The following KCNIP4 variants were observed in gnomAD, a reference collection of about 807,000 sequenced individuals.
The protein encoded by KCNIP4 is potassium voltage-gated channel interacting protein 4.
In KCNIP4, 12 loss-of-function variants were observed where a neutral mutation model predicts 34.0. That is an observed-to-expected ratio of 0.35 (90% CI 0.23 to 0.57). The LOEUF (loss-of-function observed/expected upper bound fraction) is 0.57. Ranked by LOEUF, KCNIP4 falls within the 20% of genes least tolerant of loss-of-function variation. The probability of loss-of-function intolerance (pLI) is 0.83; values close to 1 mark genes in which losing one functional copy is unlikely to be tolerated. For missense variants in KCNIP4, 238 were observed against 311.7 expected, an observed-to-expected ratio of 0.76 and a Z score of 1.78; for synonymous variants, 124 against 102.2, an observed-to-expected ratio of 1.21 and a Z score of -1.29.
intron 1 of KCNIP4, among the ~76,000 whole-genome samples, chr4:21,065,092 C>G (rs577788413): frequency 6.6e-6 from 1 of 152,328 alleles, no homozygotes; most frequent in East Asian, 1.9e-4. Context: ...GCCATTCTGG[C>G]AGCCCTATGT....
At chr4:21,430,238 A>G (rs993131079) in intron 1 of KCNIP4, among the ~76,000 whole-genome samples, 1 of 152,166 alleles carries the variant, frequency 6.6e-6, no homozygotes, top group Non-Finnish European at 1.5e-5. Flanking sequence ...CTATTCTTGC[A>G]TCACGTTTTA....
intron 1 of KCNIP4, among the ~76,000 whole-genome samples, chr4:21,272,982 T>C (rs551083008): frequency 6.6e-6 from 1 of 152,304 alleles, no homozygotes; most frequent in South Asian, 2.1e-4. Context: ...ATAGACTTAC[T>C]CATAACATAG....
chr4:21,350,352 G>A (rs1269152987), intron 1 of KCNIP4, among the ~76,000 whole-genome samples: 1 of 152,074 alleles, frequency 6.6e-6, no homozygotes, highest in African/African-American at 2.4e-5. Flanking sequence ...TAATAAATCT[G>A]GGTGCCCTTA....
chr4:20,768,792 C>G (rs547351882), intron 3 of KCNIP4, among the ~76,000 whole-genome samples: 2 of 152,078 alleles, frequency 1.3e-5, no homozygotes, highest in African/African-American at 4.8e-5. Flanking sequence ...TTCCTGAACA[C>G]ACTTCTGGGG....
At chr4:21,724,384 A>G (rs1050790939) in intron 1 of KCNIP4, among the ~76,000 whole-genome samples, 3 of 152,130 alleles carry the variant, frequency 2.0e-5, no homozygotes, top group Non-Finnish European at 2.9e-5. Flanking sequence ...AAAAAGTTAC[A>G]AATAATACAA....
chr4:21,125,365 C>T (rs557031277), intron 1 of KCNIP4, among the ~76,000 whole-genome samples: 81 of 151,728 alleles, frequency 5.3e-4, no homozygotes, highest in African/African-American at 1.3e-3. Context: ...TAGAGGTGCC[C>T]GCCACCATGC....
At chr4:20,991,761 G>C (rs931729879) in intron 1 of KCNIP4, among the ~76,000 whole-genome samples, 1 of 152,198 alleles carries the variant, frequency 6.6e-6, no homozygotes, top group Non-Finnish European at 1.5e-5. Flanking sequence ...GGTTTTAAAA[G>C]TATGACAAAT....
intron 1 of KCNIP4, among the ~76,000 whole-genome samples, chr4:21,912,624 A>T (rs892413253): frequency 2.6e-5 from 4 of 152,138 alleles, no homozygotes; most frequent in Admixed American, 1.3e-4. Flanking sequence ...AGGTAGGAGC[A>T]GATCTGGAAA....
intron 1 of KCNIP4, among the ~76,000 whole-genome samples, chr4:21,494,924 G>A (rs2109870562): frequency 6.6e-6 from 1 of 152,106 alleles, no homozygotes; most frequent in South Asian, 2.1e-4. Context: ...ATATCCCAGT[G>A]GAATATAGTT....
At position 21,501,248 on chromosome 4, in the gene KCNIP4, T is replaced by TCTCACACACACACACACACA. The variant is rs764571152; in HGVS notation, c.61+447322_61+447323insTGTGTGTGTGTGTGTGTGAG. 2.9e-4 allele frequency among the ~76,000 whole-genome samples: 30 copies of TCTCACACACACACACACACA among 104,286 alleles called. No homozygotes were observed. The East Asian group carries it at 6.1e-3, about 21-fold the overall frequency. 68.4% of individuals were successfully genotyped at this position (104,286 alleles called of 152,430 possible). A position where few individuals can be genotyped will look rare whatever the true frequency, so the allele number is the denominator to read the frequency against. On this transcript the variant is annotated intron_variant, in intron 1 of 8. Coordinates refer to ENST00000382152, the MANE Select transcript of KCNIP4 (RefSeq NM_025221.6). ...TTCTCTCTCTCTCTCTCTCTCTCTCTCACACACACACACACACACACACAC... is the reference window on the plus strand; with the variant it reads ...TTCTCTCTCTCTCTCTCTCTCTCTCTCTCACACACACACACACACACACACACACACACACACACACACAC...
intron 1 of KCNIP4, among the ~76,000 whole-genome samples, chr4:21,130,223 A>C (rs1392974237): frequency 6.6e-6 from 1 of 152,176 alleles, no homozygotes; most frequent in African/African-American, 2.4e-5. Context: ...TAAAAGTTGC[A>C]GATACCTAGG....
intron 1 of KCNIP4, among the ~76,000 whole-genome samples, chr4:21,792,687 C>T (rs981476717): frequency 6.6e-6 from 1 of 152,150 alleles, no homozygotes; most frequent in African/African-American, 2.4e-5. Context: ...GACAGAAAAG[C>T]CCAGACTTCC....
intron 4 of KCNIP4, among the ~76,000 whole-genome samples, chr4:20,754,213 C>T (rs1754116567): frequency 6.6e-6 from 1 of 152,084 alleles, no homozygotes; most frequent in South Asian, 2.1e-4. Flanking sequence ...CCAGTTTTTT[C>T]TGACATCCAG....
rs533706888 is a variant in KCNIP4 at position 21,086,987 on chromosome 4, T to C, written c.62-204278A>G. On this transcript the variant is annotated intron_variant, in intron 1 of 8. Coordinates refer to ENST00000382152, the MANE Select transcript of KCNIP4 (RefSeq NM_025221.6). ...TTCCTTCCTCTCTCTCTCTCTTTCT[T>C]TCTTTTTTTTTTTTTTGAGTCTTGC... Among the ~76,000 whole-genome samples the C allele has an allele frequency of 6.2e-3, 910 of 147,570 alleles. 5 individuals carry two copies. Among genetic ancestry groups the C allele is most frequent in the African/African-American group, 0.02 (804 of 39,554 alleles).
chr4:21,166,034 C>T (rs545693257), intron 1 of KCNIP4, among the ~76,000 whole-genome samples: 1 of 152,274 alleles, frequency 6.6e-6, no homozygotes, highest in African/African-American at 2.4e-5. Flanking sequence ...CCTTACCAGA[C>T]ACTGAACCTG....
At chr4:20,900,988 C>T (rs1250343531) in intron 1 of KCNIP4, among the ~76,000 whole-genome samples, 1 of 152,104 alleles carries the variant, frequency 6.6e-6, no homozygotes, top group African/African-American at 2.4e-5. Flanking sequence ...AATCTCAGCA[C>T]CACATGTGCA....
At chr4:21,618,636 T>TTC (rs1744777163) in intron 1 of KCNIP4, among the ~76,000 whole-genome samples, 1 of 98,284 alleles carries the variant, frequency 1.0e-5, no homozygotes, top group Non-Finnish European at 2.3e-5. Flanking sequence ...TTTTCTTTTT[T>TTC]TTTTTTTTTT....
intron 1 of KCNIP4, among the ~76,000 whole-genome samples, chr4:21,209,631 C>CTATT (rs1757093125): frequency 2.6e-5 from 4 of 151,798 alleles, no homozygotes; most frequent in African/African-American, 9.7e-5. Flanking sequence ...ATCTATTTAT[C>CTATT]TATCTATCTA....
Position 21,089,108 on chromosome 4 carries a change from T to A in KCNIP4, c.62-206399A>T, listed in dbSNP as rs1045537221. ...TAAAATTTTAGCAAGTTTTACCATATCCCCTTTGTATGGTTTGGATTTGTG... is the reference window on the plus strand; with the variant it reads ...TAAAATTTTAGCAAGTTTTACCATAACCCCTTTGTATGGTTTGGATTTGTG... On this transcript the variant is annotated intron_variant, in intron 1 of 8. Transcript: ENST00000382152. Among the ~76,000 whole-genome samples, 3 of 152,180 alleles carry A rather than the reference T, an allele frequency of 2.0e-5. No homozygotes were observed. The East Asian group carries it at 5.8e-4, about 29-fold the overall frequency.
Sources: gnomAD v4.1 joint callset for allele counts (sites outside exome capture counted in the v4.1 genomes callset) on GRCh38, gnomAD v4.1.1 for gene constraint, MANE v1.5 for transcripts, NCBI Gene and HGNC (gene_info 2026-07-23, HGNC 2026-07-21) for gene names.